Variants in F11R observed in about 807,000 individuals in gnomAD.
The protein encoded by F11R is F11 receptor, also known as junctional adhesion molecule A.
A neutral mutation model predicts 39.3 loss-of-function variants in F11R; 27 were observed. The ratio of observed to expected loss-of-function variants is 0.69; its 90% CI spans 0.51 to 0.95. The LOEUF (loss-of-function observed/expected upper bound fraction) is 0.95. Ranked by LOEUF, F11R falls within the 40% of genes least tolerant of loss-of-function variation. The probability of loss-of-function intolerance (pLI) is 0.00; values close to 1 mark genes in which losing one functional copy is unlikely to be tolerated. For synonymous variants in F11R, 131 were observed against 144.9 expected (o/e 0.90, Z 0.69); for missense variants, 335 against 372.7 (o/e 0.90, Z 0.83).
At chr1:161,004,511 C>T (rs1648687593) in intron 1 of F11R, among the ~76,000 whole-genome samples, 1 of 151,364 alleles carries the variant, frequency 6.6e-6, no homozygotes, top group African/African-American at 2.4e-5. Flanking sequence ...TGTGACACTA[C>T]ATTCCAGCTT....
intron 1 of F11R, among the ~76,000 whole-genome samples, chr1:161,012,218 G>A (rs761101108): frequency 1.3e-5 from 2 of 152,200 alleles, no homozygotes; most frequent in Non-Finnish European, 2.9e-5. Context: ...TGTACGTGAA[G>A]GGTCAGGTCA....
rs748744587 is a variant in F11R, at chr1:161,001,057, G to A, written c.204C>T (p.Asp68=). The change falls in exon 3 of 10, where the codon GAC becomes GAT. Residue 68 remains aspartate (D), a synonymous_variant. Transcript: ENST00000368026. ...TATTATAGCAAACGAGTCTGGTGGT[G>A]TCTCCTTGGTCAAACTTCCACTCCA... ...PRVEWKFDQG[D]TTRLVCYNNK... 19 of 1,614,164 alleles carry A rather than the reference G, an allele frequency of 1.2e-5. No individual in the cohort carries two copies. In the South Asian group the frequency reaches 2.1e-4, roughly 18 times the overall value.
intron 1 of F11R, among the ~76,000 whole-genome samples, chr1:161,010,453 A>C (rs1649088629): frequency 1.3e-5 from 2 of 151,260 alleles, no homozygotes; most frequent in South Asian, 4.2e-4. Context: ...AAAAAAAAAA[A>C]AAAACAGTTG....
chr1:161,009,620 T>A (rs1209071296), intron 1 of F11R, among the ~76,000 whole-genome samples: 1 of 152,212 alleles, frequency 6.6e-6, no homozygotes, highest in African/African-American at 2.4e-5. Flanking sequence ...TATATATTTA[T>A]CTCCTCCCCC....
At chr1:161,017,056 T>C (rs951441522) in intron 1 of F11R, among the ~76,000 whole-genome samples, 8 of 152,156 alleles carry the variant, frequency 5.3e-5, no homozygotes, top group Non-Finnish European at 8.8e-5. Flanking sequence ...GTTAAACAAA[T>C]GCTTGAAGGC....
intron 1 of F11R, among the ~76,000 whole-genome samples, chr1:161,003,053 A>C (rs1361102285): frequency 6.7e-6 from 1 of 149,902 alleles, no homozygotes; most frequent in Non-Finnish European, 1.5e-5. Context: ...TCCCAGGTTC[A>C]AGTGATTCTC....
At chr1:161,018,847 A>G (rs1649596742) in intron 1 of F11R, among the ~76,000 whole-genome samples, 1 of 152,310 alleles carries the variant, frequency 6.6e-6, no homozygotes, top group African/African-American at 2.4e-5. Context: ...TAACAGGCTA[A>G]TGCGACATCA....
Position 160,997,120 on chromosome 1 carries a change from G to A in F11R, c.*1751C>T, listed in dbSNP as rs1010386877. On this transcript the variant is annotated 3_prime_UTR_variant, in exon 10 of 10. Transcript: ENST00000368026. Reference sequence around the variant, plus strand: ...GGTAGATGGAGAAACAAAAATGTAAGGGCAGAGAAGGGTCCAAATGGGGAG... The same window carrying A: ...GGTAGATGGAGAAACAAAAATGTAAAGGCAGAGAAGGGTCCAAATGGGGAG... The A allele has an allele frequency of 3.3e-5, 5 of 152,314 alleles. No homozygotes were observed. The highest frequency in any genetic ancestry group is 1.2e-4 in the African/African-American group (5 of 41,438). The allele number at this position is 152,314 out of a possible 1,614,324, so 9.4% of individuals were successfully genotyped here. A position where few individuals can be genotyped will look rare whatever the true frequency, so the allele number is the denominator to read the frequency against.
chr1:161,016,117 T>A (rs909528208), intron 1 of F11R, among the ~76,000 whole-genome samples: 1 of 151,630 alleles, frequency 6.6e-6, no homozygotes, highest in African/African-American at 2.4e-5. Context: ...GCAAGAGGAT[T>A]ACTTGAAGTC....
intron 9 of F11R, 50 bp downstream of exon 9, chr1:160,998,993 C>A (rs375351079): frequency 6.2e-7 from 1 of 1,613,160 alleles, no homozygotes; most frequent in African/African-American, 1.3e-5. Flanking sequence ...TAGAAATCTC[C>A]TCACTCCAGC....
Position 160,999,028 on chromosome 1 carries a change from G to C in F11R, c.864+15C>G, listed in dbSNP as rs970464508. The C allele has an allele frequency of 3.1e-6, 5 of 1,614,176 alleles. No homozygotes were observed. Among genetic ancestry groups the C allele is most frequent in the Non-Finnish European group, 4.2e-6 (5 of 1,180,010 alleles). On this transcript the variant is annotated intron_variant, in intron 9 of 9. Coordinates refer to ENST00000368026, the MANE Select transcript of F11R (RefSeq NM_016946.6). ...CCCCAGGTGGCCCACCCCTGCCCAG[G>C]GGAGGCATACTCACTTCACTTCGGG...
In F11R at chr1:160,995,868, A is replaced by G. The variant is rs1379245209; in HGVS notation, c.*3003T>C. 1.3e-5 allele frequency: 2 copies of G among 152,294 alleles called. No individual in the cohort carries two copies. Among genetic ancestry groups the G allele is most frequent in the Non-Finnish European group, 2.9e-5 (2 of 68,022 alleles). The allele number at this position is 152,294 out of a possible 1,614,324, so 9.4% of individuals were successfully genotyped here. A position where few individuals can be genotyped will look rare whatever the true frequency, so the allele number is the denominator to read the frequency against. On this transcript the variant is annotated 3_prime_UTR_variant, in exon 10 of 10. Coordinates refer to ENST00000368026, the MANE Select transcript of F11R (RefSeq NM_016946.6). ...ATACTTTGAAGAAAATAAAAAAACGACAGGAACAACAAACACATCCTTAAC... is the reference window on the plus strand; with the variant it reads ...ATACTTTGAAGAAAATAAAAAAACGGCAGGAACAACAAACACATCCTTAAC...
intron 1 of F11R, among the ~76,000 whole-genome samples, chr1:161,008,752 G>A (rs1648967312): frequency 6.6e-6 from 1 of 152,204 alleles, no homozygotes; most frequent in African/African-American, 2.4e-5. Context: ...TCACACCAAT[G>A]CAGTCCAACT....
chr1:161,009,254 CA>C (rs1213959848), intron 1 of F11R, among the ~76,000 whole-genome samples: 3 of 152,112 alleles, frequency 2.0e-5, no homozygotes, highest in Non-Finnish European at 4.4e-5. Context: ...TTATCCCATG[CA>C]AAACACTGTC....
At chr1:161,004,579 A>G (rs1648692737) in intron 1 of F11R, among the ~76,000 whole-genome samples, 1 of 151,960 alleles carries the variant, frequency 6.6e-6, no homozygotes, top group Non-Finnish European at 1.5e-5. Context: ...GCATGGTGAC[A>G]CATGCCTGTA....
In F11R at chr1:161,020,899, T is replaced by C. The variant is rs537699804; in HGVS notation, c.64+111A>G. ...GTGGAAAAGATAATTCGCAGAACGA[T>C]ATAGGAAGGTTTCTGAGCTCCTCCC... is the stretch of plus-strand genomic sequence containing the variant. On this transcript the variant is annotated intron_variant, in intron 1 of 9. Transcript: ENST00000368026. 171 of 917,488 alleles carry C rather than the reference T, an allele frequency of 1.9e-4. No individual in the cohort carries two copies. The South Asian group carries it at 2.1e-3, about 12-fold the overall frequency. 56.8% of individuals were successfully genotyped at this position (917,488 alleles called of 1,614,324 possible).
chr1:161,009,710 A>G (rs1052842024), intron 1 of F11R, among the ~76,000 whole-genome samples: 2 of 151,886 alleles, frequency 1.3e-5, no homozygotes, highest in African/African-American at 2.4e-5. Context: ...GCTCACGCCT[A>G]TAATCCCAGC....
intron 1 of F11R, among the ~76,000 whole-genome samples, chr1:161,015,407 AATATAT>A (rs1553211261): frequency 7.3e-6 from 1 of 136,136 alleles, no homozygotes; most frequent in South Asian, 2.3e-4. Flanking sequence ...CAAAAAAAAA[AATATAT>A]ATATATATAT....
rs1648208040 is a variant in F11R, at chr1:160,997,672, CTACT to C, written c.*1195_*1198del. ...TAGGAACCCTCAAAGACCTTTTCCC[CTACT>C]TACTTCCCACAAAAAAGAGCCTTGA... On this transcript the variant is annotated 3_prime_UTR_variant, in exon 10 of 10. Coordinates refer to ENST00000368026, the MANE Select transcript of F11R (RefSeq NM_016946.6). 6.5e-6 allele frequency: 1 copy of C among 152,776 alleles called. No homozygotes were observed. Among genetic ancestry groups the C allele is most frequent in the Non-Finnish European group, 1.5e-5 (1 of 68,054 alleles). The allele number at this position is 152,776 out of a possible 1,614,324, so 9.5% of individuals were successfully genotyped here.
Sources: allele counts gnomAD v4.1 joint callset (sites outside exome capture counted in the v4.1 genomes callset), GRCh38; gene constraint gnomAD v4.1.1; transcripts MANE v1.5; gene names NCBI Gene and HGNC (gene_info 2026-07-23, HGNC 2026-07-21).